Variants in TTLL4 observed in about 807,000 individuals in gnomAD.
TTLL4 encodes the protein tubulin tyrosine ligase like 4.
In TTLL4, 85 loss-of-function variants were observed where a neutral mutation model predicts 122.7. The observed-to-expected ratio is 0.69, with a 90% CI of 0.58 to 0.83. The LOEUF is 0.83. Among genes scored for constraint, TTLL4 ranks in the 40% least tolerant of loss-of-function variants. The pLI is 0.00. For synonymous variants in TTLL4, 553 were observed against 563.0 expected (o/e 0.98, Z 0.25); for missense variants, 1,363 against 1,488.6 (o/e 0.92, Z 1.39).
At chr2:218,759,094 A>G (rs745456865), downstream of TTLL4, among the ~76,000 whole-genome samples, 1 of 151,852 alleles carries the variant, frequency 6.6e-6, no homozygotes, top group Non-Finnish European at 1.5e-5. Context: ...AAAATACAAC[A>G]TTAGCTGGGC....
intron 7 of TTLL4, 57 bp downstream of exon 7, chr2:218,745,858 C>A: frequency 6.7e-7 from 1 of 1,487,176 alleles, no homozygotes; most frequent in Non-Finnish European, 9.3e-7. Context: ...ATGGGCTTTG[C>A]ATAGGGGGAG....
rs367857937 is a variant in TTLL4, at chr2:218,749,988, CTT to C, written c.2736-17_2736-16del. The C allele has an allele frequency of 2.2e-5, 36 of 1,613,240 alleles. No homozygotes were observed. In the African/African-American group the frequency reaches 4.5e-4, roughly 20 times the overall value. ...GTTTCGGAGTGCTGCTTTGACCACT[CTT>C]TTTATCCTTTTTCTGAAGCCTCCAC... On this transcript the variant is annotated intron_variant, in intron 14 of 19. Transcript: ENST00000392102.
At chr2:218,719,648 T>A (rs1284519220) in intron 1 of TTLL4, among the ~76,000 whole-genome samples, 1 of 151,176 alleles carries the variant, frequency 6.6e-6, no homozygotes, top group Non-Finnish European at 1.5e-5. Flanking sequence ...ATGACAGTCA[T>A]CTGGAATGCT....
At chr2:218,749,200 G>A (rs1238450188) in intron 13 of TTLL4, 53 bp from the exon 14 acceptor site, 15 of 1,606,322 alleles carry the variant, frequency 9.3e-6, no homozygotes, top group Admixed American at 6.8e-5. Context: ...ATAGCTCTGA[G>A]TAGAGCCCTC....
chr2:218,755,683 G>A (rs893929760), downstream of TTLL4, among the ~76,000 whole-genome samples: 3 of 152,148 alleles, frequency 2.0e-5, no homozygotes, highest in Non-Finnish European at 2.9e-5. Flanking sequence ...AATTGGCCCC[G>A]TGTCCCTGCT....
At chr2:218,731,490 T>G (rs1431135341) in intron 2 of TTLL4, among the ~76,000 whole-genome samples, 1 of 152,142 alleles carries the variant, frequency 6.6e-6, no homozygotes, top group Non-Finnish European at 1.5e-5. Context: ...TTGTCCTCGC[T>G]GAAGTTTTGT....
chr2:218,722,343 C>T (rs528348765), intron 1 of TTLL4, among the ~76,000 whole-genome samples: 161 of 136,110 alleles, frequency 1.2e-3, no homozygotes, highest in African/African-American at 4.6e-3. Flanking sequence ...AAATTACCAG[C>T]TTCTTTGTTC....
At chr2:218,716,009 G>A (rs1035041276) in intron 1 of TTLL4, among the ~76,000 whole-genome samples, 1 of 152,146 alleles carries the variant, frequency 6.6e-6, no homozygotes, top group Admixed American at 6.6e-5. Context: ...ATGACTGTTA[G>A]GAAAATACTG....
chr2:218,752,841 C>T lies in TTLL4; in HGVS notation c.3055C>T (p.Arg1019Cys), dbSNP rs768819479. The change falls in exon 17 of 20, where the codon CGC becomes TGC. Residue 1019 changes from arginine (R) to cysteine (C), a missense_variant. Around this residue, in one of 3 missense-constraint regions of TTLL4, gnomAD observed 596 missense variants for 655.8 expected, o/e 0.91. Coordinates refer to ENST00000392102, the MANE Select transcript of TTLL4 (RefSeq NM_014640.5). ...GGTTGAGATGGAAGATGAGTTTTCT[C>T]GCCGTGGTCAGTTTGAACGAATTTT... The part of the protein sequence containing the change: ...ILVEMEDEFS[R>C]RGQFERIFPS... 5.6e-6 allele frequency: 9 copies of T among 1,614,066 alleles called. No individual in the cohort carries two copies. Among genetic ancestry groups the T allele is most frequent in the South Asian group, 1.1e-5 (1 of 91,086 alleles).
intron 1 of TTLL4, among the ~76,000 whole-genome samples, chr2:218,718,365 T>C (rs1941929570): frequency 1.3e-5 from 2 of 152,028 alleles, no homozygotes; most frequent in Non-Finnish European, 2.9e-5. Flanking sequence ...ACAGCAGCAA[T>C]AGATTTTCTT....
chr2:218,758,110 G>A (rs944253573), downstream of TTLL4, among the ~76,000 whole-genome samples: 5 of 152,114 alleles, frequency 3.3e-5, no homozygotes, highest in African/African-American at 1.2e-4. Flanking sequence ...CTTCACCAGC[G>A]TTGGATCAGT....
chr2:218,735,341 C>T (rs147450527), intron 2 of TTLL4, among the ~76,000 whole-genome samples: 3 of 152,132 alleles, frequency 2.0e-5, no homozygotes, highest in Non-Finnish European at 2.9e-5. Context: ...AGAGGAGGAT[C>T]GCTTGAGGCC....
At chr2:218,737,498 A>G in intron 2 of TTLL4, 81 bp from the exon 3 acceptor site, 1 of 718,594 alleles carries the variant, frequency 1.4e-6, no homozygotes, top group Non-Finnish European at 2.2e-6. Context: ...GTGGGACTGT[A>G]CTGCTTACCT....
rs1381951242 is a variant in TTLL4 at position 218,753,670 on chromosome 2, G to T, written c.3344+1G>T. ...GCAAATCAGAGACTAGCAAGCTGGG[G>T]TGAGTGCTGCCTGGGCAAGGGAGGG... is the stretch of plus-strand genomic sequence containing the variant. On this transcript the variant is annotated splice_donor_variant, in intron 19 of 19. Transcript: ENST00000392102. LOFTEE classifies it high-confidence loss of function. 3.1e-6 allele frequency: 5 copies of T among 1,614,116 alleles called. No homozygotes were observed. The highest frequency in any genetic ancestry group is 1.3e-5 in the African/African-American group (1 of 75,074).
At chr2:218,746,407 C>T (rs1290476300) in intron 8 of TTLL4, 176 bp downstream of exon 8, 5 of 633,958 alleles carry the variant, frequency 7.9e-6, no homozygotes, top group South Asian at 1.9e-5. Context: ...CAGTGGATCA[C>T]GTACATCTCC....
intron 1 of TTLL4, among the ~76,000 whole-genome samples, 159 bp downstream of exon 1, chr2:218,711,196 G>A (rs559260250): frequency 6.6e-6 from 1 of 152,184 alleles, no homozygotes; most frequent in African/African-American, 2.4e-5. Flanking sequence ...TCCCCCGGGA[G>A]GCCAGGGAGC....
At chr2:218,748,579 T>C in intron 12 of TTLL4, 1 of 415,716 alleles carries the variant, frequency 2.4e-6, no homozygotes, top group Non-Finnish European at 4.2e-6. Context: ...CACTTGAACC[T>C]GGGGGACGGA....
Position 218,753,667 on chromosome 2 carries a change from G to C in TTLL4, c.3342G>C (p.Leu1114=). The change falls in exon 19 of 20, where the codon CTG becomes CTC. Residue 1114 remains leucine (L), a splice_region_variant and synonymous_variant. Coordinates refer to ENST00000392102, the MANE Select transcript of TTLL4 (RefSeq NM_014640.5). ...TCAGCAAATCAGAGACTAGCAAGCT[G>C]GGGTGAGTGCTGCCTGGGCAAGGGA... is the stretch of plus-strand genomic sequence containing the variant. The part of the protein sequence containing the change: ...NAFSKSETSK[L]GKQSSCEVSL... 6.2e-7 allele frequency: 1 copy of C among 1,614,096 alleles called. No individual in the cohort carries two copies. The highest frequency in any genetic ancestry group is 8.5e-7 in the Non-Finnish European group (1 of 1,180,034).
chr2:218,711,603 G>A (rs1428149680), intron 1 of TTLL4, among the ~76,000 whole-genome samples: 1 of 152,150 alleles, frequency 6.6e-6, no homozygotes, highest in African/African-American at 2.4e-5. Context: ...TAATGAGCCT[G>A]GGTACAATGG....
Sources: gnomAD v4.1 joint callset for allele counts (sites outside exome capture counted in the v4.1 genomes callset) on GRCh38, gnomAD v4.1.1 for gene constraint, gnomAD v4.1.1 regional missense constraint, MANE v1.5 for transcripts, NCBI Gene and HGNC (gene_info 2026-07-23, HGNC 2026-07-21) for gene names.